The following MVD variants were observed in gnomAD, a reference collection of about 807,000 sequenced individuals.
MVD encodes the protein diphosphomevalonate decarboxylase.
In MVD, 52 loss-of-function variants were observed where a neutral mutation model predicts 42.4. The ratio of observed to expected loss-of-function variants is 1.23; its 90% CI spans 0.98 to 1.55. The LOEUF (loss-of-function observed/expected upper bound fraction) is 1.55, where lower values mean the gene tolerates loss of function less well. Among genes scored for constraint, MVD ranks in the 40% most tolerant of loss-of-function variants. The pLI is 0.00. For missense variants in MVD, 663 were observed against 572.1 expected, an observed-to-expected ratio of 1.16 and a Z score of -1.62; for synonymous variants, 287 against 243.2, an observed-to-expected ratio of 1.18 and a Z score of -1.68.
At position 88,657,906 on chromosome 16, in the gene MVD, C is replaced by A. The variant is rs756041753; in HGVS notation, c.256+9G>T. On this transcript the variant is annotated intron_variant, in intron 3 of 9. Transcript: ENST00000301012. Reference sequence around the variant, plus strand: ...AGGGAGGGATGGGCTTATGGGGACCCCAGCTCACTCTCCCGCAGGCAGGCC... The same window carrying A: ...AGGGAGGGATGGGCTTATGGGGACCACAGCTCACTCTCCCGCAGGCAGGCC... The A allele has an allele frequency of 3.7e-6, 6 of 1,612,334 alleles. No homozygotes were observed. The highest frequency in any genetic ancestry group is 1.3e-5 in the African/African-American group (1 of 74,938).
chr16:88,660,360 G>C (rs1348116875), intron 1 of MVD, among the ~76,000 whole-genome samples: 3 of 152,204 alleles, frequency 2.0e-5, no homozygotes. Flanking sequence ...AAATATCACT[G>C]TTGGTGAGCC....
In MVD at chr16:88,662,841, G is replaced by A. The variant is rs1428315122; in HGVS notation, c.70+170C>T. 18 of 1,440,930 alleles carry A rather than the reference G, an allele frequency of 1.2e-5. No homozygotes were observed. The Admixed American group carries it at 5.2e-4, about 41-fold the overall frequency. 89.3% of individuals were successfully genotyped at this position (1,440,930 alleles called of 1,614,324 possible). On this transcript the variant is annotated intron_variant, in intron 1 of 9. Coordinates refer to ENST00000301012, the MANE Select transcript of MVD (RefSeq NM_002461.3). Reference sequence around the variant, plus strand: ...GGCGCCGAGCTTGTCACGCGAAGGAGCGCGCGGCCCCGCCCGACCACCGCC... The same window carrying A: ...GGCGCCGAGCTTGTCACGCGAAGGAACGCGCGGCCCCGCCCGACCACCGCC...
chr16:88,656,395 C>T (rs913319090), intron 4 of MVD, 91 bp from the exon 5 acceptor site: 15 of 1,361,796 alleles, frequency 1.1e-5, no homozygotes, highest in East Asian at 4.7e-5. Flanking sequence ...CCACACCCCA[C>T]GGCAAATGGG....
intron 1 of MVD, among the ~76,000 whole-genome samples, chr16:88,659,523 C>T (rs916931608): frequency 3.3e-5 from 5 of 152,188 alleles, no homozygotes; most frequent in African/African-American, 1.2e-4. Context: ...GAGACTCTCA[C>T]GGGTGACAGA....
Position 88,652,493 on chromosome 16 carries a change from C to T in MVD, c.*32G>A. The T allele has an allele frequency of 6.4e-7, 1 of 1,552,514 alleles. No individual in the cohort carries two copies. The highest frequency in any genetic ancestry group is 1.4e-5 in the African/African-American group (1 of 73,296). On this transcript the variant is annotated 3_prime_UTR_variant, in exon 10 of 10. Coordinates refer to ENST00000301012, the MANE Select transcript of MVD (RefSeq NM_002461.3). Reference sequence around the variant, plus strand: ...CCTAGCTCCGGCGAGGCCACCCCTTCTCCAAGCGGCATGCGGTCCCTGCTG... The same window carrying T: ...CCTAGCTCCGGCGAGGCCACCCCTTTTCCAAGCGGCATGCGGTCCCTGCTG...
intron 5 of MVD, 85 bp from the exon 6 acceptor site, chr16:88,655,815 A>G (rs529522043): frequency 5.5e-6 from 8 of 1,464,542 alleles, no homozygotes; most frequent in African/African-American, 4.2e-5. Flanking sequence ...GCCCTCCCTC[A>G]GCCAATGCAG....
chr16:88,662,700 G>A (rs1260276440), intron 1 of MVD: 1 of 1,381,004 alleles, frequency 7.2e-7, no homozygotes, highest in Admixed American at 2.6e-5. Context: ...CACCACCACG[G>A]CGGATTCTTA....
In MVD at chr16:88,652,385, C is replaced by T; in HGVS notation, c.*140G>A. The T allele has an allele frequency of 1.1e-6, 1 of 922,100 alleles. No individual in the cohort carries two copies. The highest frequency in any genetic ancestry group is 1.7e-6 in the Non-Finnish European group (1 of 587,086). The allele number at this position is 922,100 out of a possible 1,614,324, so 57.1% of individuals were successfully genotyped here. On this transcript the variant is annotated 3_prime_UTR_variant, in exon 10 of 10. Transcript: ENST00000301012. ...GGCGGCCGCAGGACTCCCTGCACTG[C>T]CCCACAGCAAGCTGCCCATGGGCCC... is the stretch of plus-strand genomic sequence containing the variant.
intron 5 of MVD, 65 bp downstream of exon 5, chr16:88,656,040 G>C (rs139954433): frequency 3.5e-5 from 50 of 1,428,938 alleles, no homozygotes; most frequent in Non-Finnish European, 4.6e-5. Flanking sequence ...TCCTGCTCCC[G>C]GCAGCAGCCC....
At chr16:88,662,431 C>T (rs540706608) in intron 1 of MVD, among the ~76,000 whole-genome samples, 86 of 152,378 alleles carry the variant, frequency 5.6e-4, no homozygotes, top group East Asian at 3.3e-3. Flanking sequence ...CAGTGGCGGC[C>T]AGGTAACCCC....
rs201766840 is a variant in MVD, at chr16:88,658,626, G to A, written c.141+24C>T. 3 of 1,609,348 alleles carry A rather than the reference G, an allele frequency of 1.9e-6. No homozygotes were observed. The African/African-American group carries it at 4.0e-5, about 21-fold the overall frequency. The stretch of plus-strand genomic sequence containing the variant: ...AATGTTCTGGAAATGGCACTGTGGT[G>A]TTTAGTCGTCAGTCCACACATACCT... On this transcript the variant is annotated intron_variant, in intron 2 of 9. Coordinates refer to ENST00000301012, the MANE Select transcript of MVD (RefSeq NM_002461.3).
At position 88,654,750 on chromosome 16, in the gene MVD, C is replaced by T; in HGVS notation, c.955G>A (p.Val319Met). The change falls in exon 8 of 10, where the codon GTG becomes ATG. Residue 319 changes from valine to methionine, a missense_variant. Coordinates refer to ENST00000301012, the MANE Select transcript of MVD (RefSeq NM_002461.3). ...CACACAGCAGCCACAAACTCAGCCA[C>T]AGTGTCGTCCAGGGTGAAGATCACG... ...NAVIFTLDDT[V>M]AEFVAAVWHG... 6.2e-7 allele frequency: 1 copy of T among 1,602,130 alleles called. No homozygotes were observed. Among genetic ancestry groups the T allele is most frequent in the Non-Finnish European group, 8.5e-7 (1 of 1,176,196 alleles).
At position 88,663,024 on chromosome 16, in the gene MVD, C is replaced by G. The variant is rs920473859; in HGVS notation, c.57G>C (p.Ala19=). The G allele has an allele frequency of 1.1e-5, 17 of 1,607,556 alleles. No individual in the cohort carries two copies. The highest frequency in any genetic ancestry group is 1.4e-5 in the Non-Finnish European group (17 of 1,177,710). ...AVTCTAPVNI[A]VIKYWGKRDE... ...CGCGGCACTCACAGTACTTGATGAC[C>G]GCGATGTTGACCGGCGCTGTACAAG... Residue 19 remains alanine (A), a synonymous_variant, in exon 1 of 10, where the codon GCG becomes GCC. Transcript: ENST00000301012.
In MVD at chr16:88,658,013, G is replaced by C. The variant is rs11556525; in HGVS notation, c.158C>G (p.Thr53Arg). The C allele has an allele frequency of 1.2e-6, 2 of 1,613,968 alleles. No homozygotes were observed. Residue 53 changes from threonine to arginine, a missense_variant, in exon 3 of 10, where the codon ACA (threonine) becomes AGA (arginine). Coordinates refer to ENST00000301012, the MANE Select transcript of MVD (RefSeq NM_002461.3). The stretch of plus-strand genomic sequence containing the variant: ...GGTGAAGTCCTTGCTGATGACGGCT[G>C]TTGTGGTGGTTTTTAACTGAAAAGG... ...LHQDQLKTTT[T>R]AVISKDFTED... is the part of the protein sequence containing the mutation.
rs371763667 is a variant in MVD, at chr16:88,657,968, T to C, written c.203A>G (p.Asn68Ser). 1.9e-6 allele frequency: 3 copies of C among 1,613,832 alleles called. No homozygotes were observed. Among genetic ancestry groups the C allele is most frequent in the African/African-American group, 2.7e-5 (2 of 74,954 alleles). Residue 68 changes from asparagine (N) to serine (S), a missense_variant, in exon 3 of 10, where the codon AAT becomes AGT. Physicochemically the swap from Asn to Ser is conservative, Grantham distance 46. Transcript: ENST00000301012. Reference protein sequence around the residue: ...KDFTEDRIWLNGREEDVGQPR... With the variant: ...KDFTEDRIWLSGREEDVGQPR... Reference sequence around the variant, plus strand: ...CTGCCCCACATCCTCCTCCCGGCCATTCAGCCAAATCCGGTCCTCGGTGAA... The same window carrying C: ...CTGCCCCACATCCTCCTCCCGGCCACTCAGCCAAATCCGGTCCTCGGTGAA...
chr16:88,656,310 G>A lies in MVD; in HGVS notation c.404-6C>T, dbSNP rs143387700. The A allele has an allele frequency of 6.5e-5, 104 of 1,598,990 alleles. No homozygotes were observed. In the East Asian group the frequency reaches 2.3e-3, roughly 35 times the overall value. Reference sequence around the variant, plus strand: ...GACACGGGCCAGGGTGTAGGCTGCAGGCATGCGGATTCAGGGAGGGTCCTC... The same window carrying A: ...GACACGGGCCAGGGTGTAGGCTGCAAGCATGCGGATTCAGGGAGGGTCCTC... On this transcript the variant is annotated splice_polypyrimidine_tract_variant and splice_region_variant and intron_variant, in intron 4 of 9. Coordinates refer to ENST00000301012, the MANE Select transcript of MVD (RefSeq NM_002461.3).
Position 88,653,339 on chromosome 16 carries a change from C to T in MVD, c.1083G>A (p.Glu361=), listed in dbSNP as rs771213545. ...SAELQAALAM[E]PTPGGVKYII... ...TGTATTTGACCCCACCGGGGGTCGG[C>T]TCCATGGCCAGCGCAGCCTGAAGCT... The change falls in exon 9 of 10, where the codon GAG becomes GAA. Residue 361 remains glutamate, a synonymous_variant. Transcript: ENST00000301012. 6.2e-7 allele frequency: 1 copy of T among 1,600,950 alleles called. No individual in the cohort carries two copies. The highest frequency in any genetic ancestry group is 2.2e-5 in the East Asian group (1 of 44,684).
At chr16:88,653,479 C>G (rs1907711495) in intron 8 of MVD, 71 bp from the exon 9 acceptor site, 2 of 1,302,232 alleles carry the variant, frequency 1.5e-6, no homozygotes, top group African/African-American at 3.0e-5. Context: ...CTACAACAGG[C>G]AAGTCCAGAG....
chr16:88,655,586 A>G, intron 6 of MVD, 70 bp downstream of exon 6: 4 of 1,531,998 alleles, frequency 2.6e-6, no homozygotes, highest in South Asian at 1.2e-5. Context: ...GGGCCCAGAC[A>G]GAGGCTGAGG....
Sources: gnomAD v4.1 joint callset for allele counts (sites outside exome capture counted in the v4.1 genomes callset) on GRCh38, gnomAD v4.1.1 for gene constraint, MANE v1.5 for transcripts, NCBI Gene and HGNC (gene_info 2026-07-23, HGNC 2026-07-21) for gene names.